FANCA: variants seen among roughly 807,000 people sequenced by gnomAD.
FANCA encodes the protein FA complementation group A.
FANCA carries 236 observed loss-of-function variants against 194.3 expected under a neutral mutation model. That is an observed-to-expected ratio of 1.21 (90% confidence interval 1.09 to 1.35). The LOEUF (loss-of-function observed/expected upper bound fraction) is 1.35. Ranked by LOEUF, FANCA falls within the 40% of genes most tolerant of loss-of-function variation. FANCA has a pLI of 0.00. For missense variants in FANCA, 2,628 were observed against 1,813.9 expected (o/e 1.45, Z -8.15); for synonymous variants, 1,014 against 715.8 (o/e 1.42, Z -6.65).
intron 29 of FANCA, 69 bp from the exon 30 acceptor site, chr16:89,758,774 A>G (rs2038847445): frequency 7.5e-6 from 12 of 1,600,172 alleles, no homozygotes; most frequent in Non-Finnish European, 1.0e-5. Flanking sequence ...ATAACCAGGG[A>G]ATAGGCCCAT....
chr16:89,764,070 C>T (rs549597324), intron 28 of FANCA, among the ~76,000 whole-genome samples: 7 of 151,722 alleles, frequency 4.6e-5, no homozygotes, highest in Middle Eastern at 3.4e-3. Flanking sequence ...GGTGAAACCC[C>T]GTCTGTACTA....
chr16:89,804,040 A>C (rs1377373532), intron 7 of FANCA, among the ~76,000 whole-genome samples: 2 of 152,164 alleles, frequency 1.3e-5, no homozygotes, highest in Non-Finnish European at 2.9e-5. Context: ...GAGGAATGTG[A>C]TGGGGGAGGA....
At position 89,739,838 on chromosome 16, in the gene FANCA, C is replaced by A. The variant is rs998766911; in HGVS notation, c.3934+156G>T. 1.3e-5 allele frequency: 20 copies of A among 1,494,630 alleles called. No individual in the cohort carries two copies. The Admixed American group carries it at 4.2e-4, about 31-fold the overall frequency. 92.6% of individuals were successfully genotyped at this position (1,494,630 alleles called of 1,614,324 possible). A position where few individuals can be genotyped will look rare whatever the true frequency, so the allele number is the denominator to read the frequency against. ...AGTGAGCCAGTAAATTATCTTATTGCTTTAAACAAGTTTGTGCTTAATCTG... is the reference window on the plus strand; with the variant it reads ...AGTGAGCCAGTAAATTATCTTATTGATTTAAACAAGTTTGTGCTTAATCTG... On this transcript the variant is annotated intron_variant, in intron 39 of 42. Transcript: ENST00000389301.
intron 5 of FANCA, among the ~76,000 whole-genome samples, chr16:89,810,058 C>T (rs1452489754): frequency 4.0e-5 from 6 of 151,174 alleles, no homozygotes; most frequent in African/African-American, 1.2e-4. Context: ...CGCGGTGGCT[C>T]ACACTTGTAA....
chr16:89,784,411 C>A (rs2039826259), intron 15 of FANCA, among the ~76,000 whole-genome samples: 1 of 148,556 alleles, frequency 6.7e-6, no homozygotes, highest in Non-Finnish European at 1.5e-5. Flanking sequence ...AAAAAAAACC[C>A]ACATGAAATT....
intron 37 of FANCA, among the ~76,000 whole-genome samples, chr16:89,741,743 C>G (rs1280640661): frequency 6.6e-6 from 1 of 152,130 alleles, no homozygotes; most frequent in Non-Finnish European, 1.5e-5. Context: ...TCCTTGCTGC[C>G]TCTTGTCCCC....
At chr16:89,751,929 C>A (rs1158559647) in intron 31 of FANCA, among the ~76,000 whole-genome samples, 1 of 152,036 alleles carries the variant, frequency 6.6e-6, no homozygotes, top group Non-Finnish European at 1.5e-5. Flanking sequence ...CGCCACCACG[C>A]CCGGCTAAAT....
At chr16:89,781,234 G>T (rs1021267582) in intron 17 of FANCA, among the ~76,000 whole-genome samples, 5 of 151,058 alleles carry the variant, frequency 3.3e-5, no homozygotes, top group African/African-American at 1.2e-4. Context: ...CGTGGTGGCG[G>T]GTGCCTGTAG....
chr16:89,799,000 CT>C, intron 10 of FANCA, 165 bp downstream of exon 10: 1 of 1,614,172 alleles, frequency 6.2e-7, no homozygotes, highest in Non-Finnish European at 8.5e-7. Context: ...GTTCCCCGGG[CT>C]TTCCCATGGT....
chr16:89,808,254 C>T (rs774070218), intron 6 of FANCA, 40 bp downstream of exon 6: 1 of 1,585,446 alleles, frequency 6.3e-7, no homozygotes, highest in African/African-American at 1.3e-5. Flanking sequence ...CTAGACTAGA[C>T]TGCAAAAACA....
Position 89,791,553 on chromosome 16 carries a change from A to G in FANCA, c.1226-17T>C. 1.2e-6 allele frequency: 2 copies of G among 1,613,846 alleles called. No homozygotes were observed. Among genetic ancestry groups the G allele is most frequent in the Non-Finnish European group, 1.7e-6 (2 of 1,179,996 alleles). Reference sequence around the variant, plus strand: ...CCACCCAGTCTAGTTAAGAACCATGACATAGTCACAGCAAGGCAAGGGCAG... The same window carrying G: ...CCACCCAGTCTAGTTAAGAACCATGGCATAGTCACAGCAAGGCAAGGGCAG... On this transcript the variant is annotated splice_polypyrimidine_tract_variant and intron_variant, in intron 13 of 42. Transcript: ENST00000389301.
chr16:89,782,852 A>G lies in FANCA; in HGVS notation c.1626+7T>C. On this transcript the variant is annotated splice_region_variant and intron_variant, in intron 17 of 42. Transcript: ENST00000389301. Reference sequence around the variant, plus strand: ...GCTGAGACCCTGCAGGGCTCAAGCAACATTACCTCAGTAATGTCCCCAGCT... The same window carrying G: ...GCTGAGACCCTGCAGGGCTCAAGCAGCATTACCTCAGTAATGTCCCCAGCT... 6.2e-7 allele frequency: 1 copy of G among 1,613,488 alleles called. No homozygotes were observed. Among genetic ancestry groups the G allele is most frequent in the Non-Finnish European group, 8.5e-7 (1 of 1,179,386 alleles).
intron 3 of FANCA, among the ~76,000 whole-genome samples, chr16:89,813,183 G>C (rs2040968291): frequency 6.6e-6 from 1 of 152,054 alleles, no homozygotes; most frequent in African/African-American, 2.4e-5. Flanking sequence ...GGGTGGCTGA[G>C]GTAAACTGAT....
At chr16:89,786,663 A>T (rs1309112949) in intron 14 of FANCA, among the ~76,000 whole-genome samples, 1 of 152,192 alleles carries the variant, frequency 6.6e-6, no homozygotes, top group Non-Finnish European at 1.5e-5. Flanking sequence ...CAGACCCAAA[A>T]AGCCATTAGA....
chr16:89,757,850 TG>T (rs2038815972), intron 30 of FANCA, among the ~76,000 whole-genome samples: 2 of 152,180 alleles, frequency 1.3e-5, no homozygotes, highest in South Asian at 4.1e-4. Flanking sequence ...GAATACCAGG[TG>T]ACAGAACAGA....
At chr16:89,763,605 CCT>C (rs1203295841) in intron 28 of FANCA, among the ~76,000 whole-genome samples, 1 of 152,066 alleles carries the variant, frequency 6.6e-6, no homozygotes, top group Non-Finnish European at 1.5e-5. Context: ...GCCCAGAGAC[CCT>C]GAGTGACCAC....
rs558672797 is a variant in FANCA, at chr16:89,738,957, C to T, written c.4185G>A (p.Leu1395=). The change falls in exon 42 of 43, where the codon CTG becomes CTA. Residue 1395 remains leucine (L), a synonymous_variant. Coordinates refer to ENST00000389301, the MANE Select transcript of FANCA (RefSeq NM_000135.4). The part of the protein sequence containing the change: ...ELKGQGNPVE[L]ITKARLFLLQ... ...GCAGAAAAAGACGAGCTTTTGTTAT[C>T]AGTTCCACGGGGTTGCCCTAGAGAG... 1 of 1,614,250 alleles carries T rather than the reference C, an allele frequency of 6.2e-7. No homozygotes were observed. The highest frequency in any genetic ancestry group is 1.1e-5 in the South Asian group (1 of 91,078).
At chr16:89,807,178 G>GT (rs1372752404) in intron 6 of FANCA, among the ~76,000 whole-genome samples, 4,716 of 146,842 alleles carry the variant, frequency 0.032, 255 homozygotes, top group African/African-American at 0.12. Flanking sequence ...TAGGAAGCAG[G>GT]TTTTTCTTTT....
intron 7 of FANCA, among the ~76,000 whole-genome samples, chr16:89,804,971 G>A (rs1257167501): frequency 6.6e-6 from 1 of 152,214 alleles, no homozygotes; most frequent in Admixed American, 6.5e-5. Flanking sequence ...AGGAGGCGGA[G>A]GTTGCAGTGA....
Sources: gnomAD v4.1 joint callset for allele counts (sites outside exome capture counted in the v4.1 genomes callset) on GRCh38, gnomAD v4.1.1 for gene constraint, MANE v1.5 for transcripts, NCBI Gene and HGNC (gene_info 2026-07-23, HGNC 2026-07-21) for gene names.